Variants in NELFCD observed in about 807,000 individuals in gnomAD.
NELFCD encodes the protein negative elongation factor complex member C/D, also known as negative elongation factor C/D.
In NELFCD, 48 loss-of-function variants were observed where a neutral mutation model predicts 72.9. The ratio of observed to expected loss-of-function variants is 0.66; its 90% confidence interval spans 0.52 to 0.84. The LOEUF is 0.84. Ranked by LOEUF, NELFCD falls within the 40% of genes least tolerant of loss-of-function variation. The pLI is 0.00. For synonymous variants in NELFCD, 297 were observed against 280.6 expected (o/e 1.06, Z -0.59); for missense variants, 538 against 723.8 (o/e 0.74, Z 2.94).
intron 1 of NELFCD, among the ~76,000 whole-genome samples, chr20:58,983,611 A>G (rs1202232045): frequency 1.3e-5 from 2 of 151,880 alleles, no homozygotes; most frequent in African/African-American, 2.4e-5. Flanking sequence ...TTTTTAGTAG[A>G]GATGTGGTTT....
At chr20:58,991,589 A>C (rs2091817696) in intron 9 of NELFCD, 143 bp downstream of exon 9, 1 of 961,388 alleles carries the variant, frequency 1.0e-6, no homozygotes, top group African/African-American at 1.6e-5. Context: ...CTGCGTAGAG[A>C]AAGCACTAAA....
Position 58,986,184 on chromosome 20 carries a change from C to G in NELFCD, c.152C>G (p.Pro51Arg). 1 of 1,612,234 alleles carries G rather than the reference C, an allele frequency of 6.2e-7. No individual in the cohort carries two copies. Among genetic ancestry groups the G allele is most frequent in the Non-Finnish European group, 8.5e-7 (1 of 1,178,324 alleles). Residue 51 changes from proline to arginine, a missense_variant, in exon 2 of 15, where the codon CCC (proline) becomes CGC (arginine). Coordinates refer to ENST00000652272, the MANE Select transcript of NELFCD (RefSeq NM_198976.4). The surrounding 1 kb of genome is among the most constrained non-coding windows in gnomAD (Gnocchi z 4.4). ...TCCACCCGGGATTATATCATGGAAC[C>G]CTCCATCTTCAACACTCTGAAGAGG... is the stretch of plus-strand genomic sequence containing the variant. ...KFSTRDYIME[P>R]SIFNTLKRYF...
Position 58,991,344 on chromosome 20 carries a change from G to A in NELFCD, c.987G>A (p.Met329Ile). 1.2e-6 allele frequency: 2 copies of A among 1,614,188 alleles called. No individual in the cohort carries two copies. Among genetic ancestry groups the A allele is most frequent in the East Asian group, 2.2e-5 (1 of 44,880 alleles). The part of the protein sequence containing the change: ...IRVPAFLDLF[M>I]QSLFKPGARI... The stretch of plus-strand genomic sequence containing the variant: ...TTCCAGCCTTCCTGGACCTGTTCAT[G>A]CAGTCACTCTTTAAACCAGGGGCTC... Residue 329 changes from methionine to isoleucine, a missense_variant, in exon 9 of 15, where the codon ATG (methionine) becomes ATA (isoleucine). Met to Ile is a conservative substitution (Grantham distance 10). Transcript: ENST00000652272.
Position 58,981,593 on chromosome 20 carries a change from G to T in NELFCD, c.60+224G>T, listed in dbSNP as rs754402717. 8.0e-5 allele frequency among the ~76,000 whole-genome samples: 12 copies of T among 150,356 alleles called. No individual in the cohort carries two copies. The Middle Eastern group carries it at 0.01, about 129-fold the overall frequency. On this transcript the variant is annotated intron_variant, in intron 1 of 14. Coordinates refer to ENST00000652272, the MANE Select transcript of NELFCD (RefSeq NM_198976.4). ...CGCCGGGGTCCCCGCCTCCTCGCCT[G>T]CAGGACCTTGGGGTGGGGGTGAGGC...
chr20:58,986,938 A>T lies in NELFCD; in HGVS notation c.286+75A>T. The T allele has an allele frequency of 1.2e-6, 1 of 819,426 alleles. No homozygotes were observed. The allele number at this position is 819,426 out of a possible 1,614,324, so 50.8% of individuals were successfully genotyped here. On this transcript the variant is annotated intron_variant, in intron 3 of 14. Transcript: ENST00000652272. This position sits in a 1 kb window ranked among gnomAD's most constrained non-coding sequence, Gnocchi z 4.4. Reference sequence around the variant, plus strand: ...AAATAGACTTTTGGGTCCTTATAACACTGATACAATGCCTTCTTTGATTTC... The same window carrying T: ...AAATAGACTTTTGGGTCCTTATAACTCTGATACAATGCCTTCTTTGATTTC...
In NELFCD at chr20:58,989,570, T is replaced by C; in HGVS notation, c.587T>C (p.Leu196Pro). 1.2e-6 allele frequency: 2 copies of C among 1,614,162 alleles called. No homozygotes were observed. The highest frequency in any genetic ancestry group is 1.1e-5 in the South Asian group (1 of 91,084). The change falls in exon 6 of 15, where the codon CTC (leucine) becomes CCC (proline). Residue 196 changes from leucine to proline, a missense_variant. Around this residue, in one of 3 missense-constraint regions of NELFCD, gnomAD observed 355 missense variants for 534.5 expected, o/e 0.66. Coordinates refer to ENST00000652272, the MANE Select transcript of NELFCD (RefSeq NM_198976.4). ...CQQLEVFSRVLRTSLATILDG... is the reference protein window; with the variant it reads ...CQQLEVFSRVPRTSLATILDG... Reference sequence around the variant, plus strand: ...CAGCTAGAAGTGTTCTCGAGAGTGCTCCGGACCTCTCTAGCTACAATTTTA... The same window carrying C: ...CAGCTAGAAGTGTTCTCGAGAGTGCCCCGGACCTCTCTAGCTACAATTTTA...
intron 7 of NELFCD, chr20:58,990,266 G>A (rs1321951801): frequency 1.6e-5 from 6 of 372,840 alleles, no homozygotes; most frequent in South Asian, 3.3e-5. Context: ...CGGGTGTGGC[G>A]GCACATGCCT....
intron 14 of NELFCD, 24 bp from the exon 15 acceptor site, chr20:58,994,618 C>G (rs777877845): frequency 6.5e-7 from 1 of 1,541,644 alleles, no homozygotes; most frequent in East Asian, 2.3e-5. Context: ...GTTTCTAACA[C>G]AGTCACTGTT....
Position 58,987,744 on chromosome 20 carries a change from A to G in NELFCD, c.323A>G (p.Asn108Ser). 3 of 1,614,190 alleles carry G rather than the reference A, an allele frequency of 1.9e-6. No homozygotes were observed. Among genetic ancestry groups the G allele is most frequent in the Non-Finnish European group, 2.5e-6 (3 of 1,180,038 alleles). ...GTGCAGGTTCAGGAAACTGTGGAAA[A>G]TCACTTGAAGAGTTTGCTGATCAAA... ...EPVQVQETVE[N>S]HLKSLLIKHF... The change falls in exon 4 of 15, where the codon AAT becomes AGT. Residue 108 changes from asparagine (N) to serine (S), a missense_variant. Coordinates refer to ENST00000652272, the MANE Select transcript of NELFCD (RefSeq NM_198976.4).
chr20:58,986,335 G>GT lies in NELFCD; in HGVS notation c.176+128dup, dbSNP rs2091772114. On this transcript the variant is annotated intron_variant, in intron 2 of 14. Coordinates refer to ENST00000652272, the MANE Select transcript of NELFCD (RefSeq NM_198976.4). The surrounding 1 kb of genome is among the most constrained non-coding windows in gnomAD (Gnocchi z 4.4). Reference sequence around the variant, plus strand: ...ACTGAACTAAAGGCTTCAAGGGGGGGTCCCCTCTGCCACTTTTTTTTTTTT... The same window carrying GT: ...ACTGAACTAAAGGCTTCAAGGGGGGGTTCCCCTCTGCCACTTTTTTTTTTTT... The GT allele has an allele frequency of 1.6e-6, 1 of 636,794 alleles. No individual in the cohort carries two copies. The highest frequency in any genetic ancestry group is 2.7e-6 in the Non-Finnish European group (1 of 368,834). The allele number at this position is 636,794 out of a possible 1,614,324, so 39.4% of individuals were successfully genotyped here. A position where few individuals can be genotyped will look rare whatever the true frequency, so the allele number is the denominator to read the frequency against.
At chr20:58,985,455 A>T (rs539672276) in intron 1 of NELFCD, among the ~76,000 whole-genome samples, 114 of 152,372 alleles carry the variant, frequency 7.5e-4, no homozygotes, top group Middle Eastern at 3.4e-3. Flanking sequence ...ATCACAGTCC[A>T]TCCTCACATG....
chr20:58,991,907 T>C lies in NELFCD; in HGVS notation c.1116T>C (p.Asp372=), dbSNP rs2091820267. Residue 372 remains aspartate, a synonymous_variant, in exon 10 of 15, where the codon GAT becomes GAC. Transcript: ENST00000652272. ...ACAAGCGAGTGAGCATCAATAAAGA[T>C]GAGCTGAAGTCAACGTCAAAAGCTG... ...KKNKRVSINK[D]ELKSTSKAVE... The C allele has an allele frequency of 6.2e-7, 1 of 1,614,076 alleles. No individual in the cohort carries two copies. The highest frequency in any genetic ancestry group is 8.5e-7 in the Non-Finnish European group (1 of 1,180,044).
chr20:58,991,326 C>G lies in NELFCD; in HGVS notation c.969C>G (p.Ala323=). The G allele has an allele frequency of 6.2e-7, 1 of 1,614,198 alleles. No individual in the cohort carries two copies. Among genetic ancestry groups the G allele is most frequent in the Non-Finnish European group, 8.5e-7 (1 of 1,180,044 alleles). ...PPPVELIRVP[A]FLDLFMQSLF... is the part of the protein sequence containing the mutation. ...CTTCTCCTCAGATCCGCGTTCCAGC[C>G]TTCCTGGACCTGTTCATGCAGTCAC... The change falls in exon 9 of 15, where the codon GCC becomes GCG. Residue 323 remains alanine, a synonymous_variant. Coordinates refer to ENST00000652272, the MANE Select transcript of NELFCD (RefSeq NM_198976.4).
rs540628959 is a variant in NELFCD, at chr20:58,994,982, G to A, written c.*306G>A. 23 of 309,796 alleles carry A rather than the reference G, an allele frequency of 7.4e-5. No individual in the cohort carries two copies. The South Asian group carries it at 1.7e-3, about 23-fold the overall frequency. 19.2% of individuals were successfully genotyped at this position (309,796 alleles called of 1,614,324 possible). A position where few individuals can be genotyped will look rare whatever the true frequency, so the allele number is the denominator to read the frequency against. On this transcript the variant is annotated 3_prime_UTR_variant, in exon 15 of 15. Coordinates refer to ENST00000652272, the MANE Select transcript of NELFCD (RefSeq NM_198976.4). ...CAGATCTGGCCGTCAGCCGCGGGCCGCTGGGAACTCCACTCGGGGAACTCC... is the reference window on the plus strand; with the variant it reads ...CAGATCTGGCCGTCAGCCGCGGGCCACTGGGAACTCCACTCGGGGAACTCC...
chr20:58,994,269 A>G lies in NELFCD; in HGVS notation c.1711+30A>G, dbSNP rs544196429. The G allele has an allele frequency of 5.6e-6, 9 of 1,607,778 alleles. No homozygotes were observed. In the Admixed American group the frequency reaches 1.0e-4, roughly 18 times the overall value. On this transcript the variant is annotated intron_variant, in intron 14 of 14. Transcript: ENST00000652272. ...GGCCGACTGCCTAGCCCTTTACTAC[A>G]ATAGAAAATGTCAGCTGGGCGCGGT... is the stretch of plus-strand genomic sequence containing the variant.
intron 1 of NELFCD, among the ~76,000 whole-genome samples, chr20:58,985,628 A>C (rs917233593): frequency 6.6e-6 from 1 of 152,214 alleles, no homozygotes; most frequent in African/African-American, 2.4e-5. Flanking sequence ...GCTTTCAAGA[A>C]TCAGGTTGTT....
chr20:58,983,716 G>T (rs973608576), intron 1 of NELFCD, among the ~76,000 whole-genome samples: 1 of 152,256 alleles, frequency 6.6e-6, no homozygotes, highest in Admixed American at 6.5e-5. Context: ...GTGAGCTACC[G>T]TGCCCGGCCT....
At chr20:58,982,344 G>A (rs1249841559) in intron 1 of NELFCD, among the ~76,000 whole-genome samples, 1 of 151,838 alleles carries the variant, frequency 6.6e-6, no homozygotes, top group Non-Finnish European at 1.5e-5. Flanking sequence ...TTTGAGTAGA[G>A]AGGGGGTTTC....
chr20:58,984,676 T>C (rs1336484469), intron 1 of NELFCD, among the ~76,000 whole-genome samples: 5 of 152,178 alleles, frequency 3.3e-5, no homozygotes, highest in Non-Finnish European at 4.4e-5. Context: ...GTTTGGATAC[T>C]TGTGAGACAT....
Sources: gnomAD v4.1 joint callset for allele counts (sites outside exome capture counted in the v4.1 genomes callset) on GRCh38, gnomAD v4.1.1 for gene constraint, gnomAD v4.1.1 regional missense constraint, Gnocchi (gnomAD v3.1) non-coding constraint, MANE v1.5 for transcripts, NCBI Gene and HGNC (gene_info 2026-07-23, HGNC 2026-07-21) for gene names.